The following MAP3K21 variants were observed in gnomAD, a reference collection of about 807,000 sequenced individuals.
MAP3K21 encodes mitogen-activated protein kinase kinase kinase 21.
In MAP3K21, 63 loss-of-function variants were observed where a neutral mutation model predicts 86.1. The observed-to-expected ratio is 0.73, with a 90% CI of 0.60 to 0.90. MAP3K21 has a LOEUF of 0.90. Among genes scored for constraint, MAP3K21 ranks in the 40% least tolerant of loss-of-function variants. The probability of loss-of-function intolerance (pLI) is 0.00; values close to 1 mark genes in which losing one functional copy is unlikely to be tolerated. For missense variants in MAP3K21, 1,220 were observed against 1,367.7 expected, an observed-to-expected ratio of 0.89 and a Z score of 1.70; for synonymous variants, 558 against 564.8, an observed-to-expected ratio of 0.99 and a Z score of 0.17.
At chr1:233,333,825 G>C (rs1181586073) in intron 1 of MAP3K21, among the ~76,000 whole-genome samples, 2 of 152,174 alleles carry the variant, frequency 1.3e-5, no homozygotes, top group Admixed American at 6.5e-5. Flanking sequence ...AAACCTACCA[G>C]AATAGTGCAG....
Position 233,362,151 on chromosome 1 carries a change from C to T in MAP3K21, c.1410C>T (p.Arg470=), listed in dbSNP as rs371148883. The part of the protein sequence containing the change: ...LKRREQQLAE[R]EIDVLERELN... Reference sequence around the variant, plus strand: ...GGCGTGAGCAGCAGCTGGCAGAGCGCGAGATCGACGTGCTGGAGCGGGAAC... The same window carrying T: ...GGCGTGAGCAGCAGCTGGCAGAGCGTGAGATCGACGTGCTGGAGCGGGAAC... The change falls in exon 5 of 10, where the codon CGC becomes CGT. Residue 470 remains arginine, a synonymous_variant. Transcript: ENST00000366624. The T allele has an allele frequency of 1.1e-5, 17 of 1,614,062 alleles. No individual in the cohort carries two copies. Among genetic ancestry groups the T allele is most frequent in the Non-Finnish European group, 1.4e-5 (16 of 1,180,020 alleles).
At chr1:233,363,558 C>T (rs1329369877) in intron 5 of MAP3K21, among the ~76,000 whole-genome samples, 4 of 151,940 alleles carry the variant, frequency 2.6e-5, no homozygotes, top group African/African-American at 4.8e-5. Flanking sequence ...AAAAAGTAGC[C>T]GGGCATGGTG....
chr1:233,373,594 G>C (rs1162223268), intron 6 of MAP3K21: 1 of 152,376 alleles, frequency 6.6e-6, no homozygotes, highest in Non-Finnish European at 1.5e-5. Flanking sequence ...TGTGGCAGCT[G>C]TTGGCTCAAG....
At chr1:233,330,126 A>T (rs926603405) in intron 1 of MAP3K21, among the ~76,000 whole-genome samples, 1 of 152,248 alleles carries the variant, frequency 6.6e-6, no homozygotes, top group African/African-American at 2.4e-5. Flanking sequence ...AAGAGTGACA[A>T]GAAGAAATTT....
At position 233,379,369 on chromosome 1, in the gene MAP3K21, G is replaced by C. The variant is rs1207436589; in HGVS notation, c.2363G>C (p.Ser788Thr). Residue 788 changes from serine (S) to threonine (T), a missense_variant, in exon 9 of 10, where the codon AGC becomes ACC. Ser to Thr is a moderately conservative substitution (Grantham distance 58). Transcript: ENST00000366624. ...CTGCCATCCACCTGTGGGGAGGCCA[G>C]CAGCCCACCCTCCCTGCCACTGTCA... ...TSLPSTCGEA[S>T]SPPSLPLSSA... The C allele has an allele frequency of 6.2e-7, 1 of 1,614,212 alleles. No individual in the cohort carries two copies.
intron 5 of MAP3K21, among the ~76,000 whole-genome samples, chr1:233,369,549 G>C (rs1441885324): frequency 6.6e-6 from 1 of 152,214 alleles, no homozygotes; most frequent in South Asian, 2.1e-4. Context: ...TCAGCACACT[G>C]CCCTATGGGC....
At chr1:233,343,586 T>A (rs10910129) in intron 1 of MAP3K21, among the ~76,000 whole-genome samples, 2,643 of 152,250 alleles carry the variant, frequency 0.017, 66 homozygotes, top group African/African-American at 0.058. Context: ...TTCCAAAGGA[T>A]AAATAAAGAT....
intron 5 of MAP3K21, among the ~76,000 whole-genome samples, chr1:233,363,883 G>T (rs753156501): frequency 7.2e-6 from 1 of 138,790 alleles, no homozygotes; most frequent in African/African-American, 2.7e-5. Flanking sequence ...GCACGGGGGC[G>T]GGTGCCTGTA....
intron 2 of MAP3K21, among the ~76,000 whole-genome samples, chr1:233,351,189 A>G (rs1663246662): frequency 6.6e-6 from 1 of 152,200 alleles, no homozygotes; most frequent in Admixed American, 6.5e-5. Context: ...TAACTATAAT[A>G]TAGATGATTT....
At chr1:233,330,641 T>G (rs1251846940) in intron 1 of MAP3K21, among the ~76,000 whole-genome samples, 3 of 152,222 alleles carry the variant, frequency 2.0e-5, no homozygotes. Context: ...GCAGCAACTC[T>G]GTGACAACAC....
At chr1:233,349,457 A>T (rs1261286906) in intron 2 of MAP3K21, among the ~76,000 whole-genome samples, 1 of 152,214 alleles carries the variant, frequency 6.6e-6, no homozygotes, top group Non-Finnish European at 1.5e-5. Flanking sequence ...CTGTGCGGTC[A>T]TGCTCTATAG....
At chr1:233,362,490 T>C (rs12039989) in intron 5 of MAP3K21, among the ~76,000 whole-genome samples, 197 bp downstream of exon 5, 33,031 of 152,028 alleles carry the variant, frequency 0.22, 3,708 homozygotes, top group East Asian at 0.3. Flanking sequence ...GAAACAGCAT[T>C]AGGAGCACGT....
At chr1:233,343,528 G>A (rs1452185055) in intron 1 of MAP3K21, among the ~76,000 whole-genome samples, 1 of 152,170 alleles carries the variant, frequency 6.6e-6, no homozygotes, top group Admixed American at 6.5e-5. Context: ...ATTGACCAAT[G>A]GCAGGAAATC....
At chr1:233,347,507 A>C (rs2102764077) in intron 2 of MAP3K21, among the ~76,000 whole-genome samples, 1 of 152,318 alleles carries the variant, frequency 6.6e-6, no homozygotes, top group South Asian at 2.1e-4. Flanking sequence ...AAATCCTGTT[A>C]ATAAAGAAAA....
intron 4 of MAP3K21, among the ~76,000 whole-genome samples, chr1:233,355,591 T>C (rs1663336069): frequency 6.6e-6 from 1 of 152,120 alleles, no homozygotes; most frequent in African/African-American, 2.4e-5. Context: ...TGTTGACAAG[T>C]TTTTAAAAGG....
intron 1 of MAP3K21, among the ~76,000 whole-genome samples, chr1:233,341,126 G>T (rs982797976): frequency 6.6e-6 from 1 of 152,150 alleles, no homozygotes; most frequent in Non-Finnish European, 1.5e-5. Context: ...ACAGGAAAGG[G>T]TGCTCAAACA....
At chr1:233,381,467 T>A (rs900418336) in intron 9 of MAP3K21, among the ~76,000 whole-genome samples, 11 of 152,218 alleles carry the variant, frequency 7.2e-5, no homozygotes, top group African/African-American at 2.7e-4. Context: ...AAAAATGCTT[T>A]CTAAATTGTA....
At chr1:233,346,830 T>C (rs1300293050) in intron 2 of MAP3K21, among the ~76,000 whole-genome samples, 2 of 152,232 alleles carry the variant, frequency 1.3e-5, no homozygotes. Flanking sequence ...AGGAGAACTT[T>C]CTAGTTAAAT....
chr1:233,369,419 C>T (rs575791319), intron 5 of MAP3K21, among the ~76,000 whole-genome samples: 11 of 151,882 alleles, frequency 7.2e-5, no homozygotes, highest in African/African-American at 1.9e-4. Flanking sequence ...TAAATTGAGA[C>T]GTGATATGGG....
Sources: allele counts gnomAD v4.1 joint callset (sites outside exome capture counted in the v4.1 genomes callset), GRCh38; gene constraint gnomAD v4.1.1; transcripts MANE v1.5; gene names NCBI Gene and HGNC (gene_info 2026-07-23, HGNC 2026-07-21).